ATRX: variants seen among roughly 807,000 people sequenced by gnomAD.
ATRX encodes the protein chromatin remodeler ATRX.
ATRX carries 12 observed loss-of-function variants against 172.6 expected under a neutral mutation model. The observed-to-expected ratio is 0.07, with a 90% CI of 0.04 to 0.11. ATRX has a LOEUF of 0.11. ATRX is among the 10% of genes least tolerant of loss of function. ATRX has a pLI of 1.00. For missense variants in ATRX, 1,368 were observed against 1,767.4 expected (o/e 0.77, Z 4.05); for synonymous variants, 674 against 594.7 (o/e 1.13, Z -1.94).
chrX:77,649,637 C>T (rs1227151292), intron 15 of ATRX, among the ~76,000 whole-genome samples: 3 of 111,364 alleles, frequency 2.7e-5, no homozygotes, highest in African/African-American at 9.8e-5. Context: ...AATTGAATCA[C>T]GGGGGCAGGT....
chrX:77,781,876 A>G (rs1557205772), intron 1 of ATRX, among the ~76,000 whole-genome samples: 1 of 112,098 alleles, frequency 8.9e-6, no homozygotes, highest in Non-Finnish European at 1.9e-5. Context: ...CCCAACCCAT[A>G]AGTTTATTCA....
At chrX:77,638,622 T>G (rs782289647) in intron 15 of ATRX, among the ~76,000 whole-genome samples, 4 of 113,005 alleles carry the variant, frequency 3.5e-5, no homozygotes, top group Non-Finnish European at 7.5e-5. Flanking sequence ...TAAATGTCTC[T>G]TTAAAAGGAC....
At chrX:77,634,016 C>T (rs1557106913) in intron 17 of ATRX, among the ~76,000 whole-genome samples, 1 of 110,081 alleles carries the variant, frequency 9.1e-6, no homozygotes, top group African/African-American at 3.3e-5. Context: ...AAAATACCAT[C>T]GCTCATTTAG....
chrX:77,778,550 A>G (rs1392370084), intron 1 of ATRX, among the ~76,000 whole-genome samples: 6 of 109,784 alleles, frequency 5.5e-5, no homozygotes, highest in Admixed American at 9.7e-5. Context: ...GTGAAATCCC[A>G]TCTCTACTAA....
intron 27 of ATRX, among the ~76,000 whole-genome samples, chrX:77,588,355 G>A (rs1481995749): frequency 1.4e-4 from 16 of 111,951 alleles, no homozygotes; most frequent in Admixed American, 1.3e-3. Flanking sequence ...AAAGCTTCAC[G>A]ACTTTTTATT....
Position 77,553,071 on chromosome X carries a change from G to A in ATRX, c.6699+4380C>T, listed in dbSNP as rs2064624022. On this transcript the variant is annotated intron_variant, in intron 30 of 34. Coordinates refer to ENST00000373344, the MANE Select transcript of ATRX (RefSeq NM_000489.6). ...ACAGGAACCAACTTCAAAATACCTT[G>A]AATAAAAGCAGCTTCAAATACCAAA... is the stretch of plus-strand genomic sequence containing the variant. Among the ~76,000 whole-genome samples the A allele has an allele frequency of 2.7e-5, 3 of 111,359 alleles. No homozygotes were observed. In the South Asian group the frequency reaches 1.1e-3, roughly 42 times the overall value.
At chrX:77,588,625 A>G (rs2066122352) in intron 27 of ATRX, among the ~76,000 whole-genome samples, 1 of 111,100 alleles carries the variant, frequency 9.0e-6, no homozygotes, top group African/African-American at 3.3e-5. Flanking sequence ...AAATAAATAA[A>G]TAAAAGAAAG....
At chrX:77,653,726 T>C (rs893421041) in intron 14 of ATRX, among the ~76,000 whole-genome samples, 4 of 111,908 alleles carry the variant, frequency 3.6e-5, no homozygotes, top group African/African-American at 1.3e-4. Context: ...TTTTACTTTA[T>C]GTAAGCCTGC....
At chrX:77,700,571 C>A (rs2072450703) in intron 2 of ATRX, among the ~76,000 whole-genome samples, 1 of 112,456 alleles carries the variant, frequency 8.9e-6, no homozygotes, top group Admixed American at 9.4e-5. Flanking sequence ...TAAACATCTT[C>A]ATTTACTTAT....
At chrX:77,708,292 G>T (rs1439661976) in intron 2 of ATRX, among the ~76,000 whole-genome samples, 1 of 112,433 alleles carries the variant, frequency 8.9e-6, no homozygotes, top group Non-Finnish European at 1.9e-5. Flanking sequence ...CAGATATCTT[G>T]AATACATTAC....
intron 15 of ATRX, among the ~76,000 whole-genome samples, chrX:77,641,305 T>C (rs1256721324): frequency 9.1e-6 from 1 of 110,480 alleles, no homozygotes; most frequent in Non-Finnish European, 1.9e-5. Flanking sequence ...AGGCCGGGTG[T>C]GGTGGCTCAC....
chrX:77,622,198 G>A (rs1049001992), intron 19 of ATRX, among the ~76,000 whole-genome samples: 3 of 111,950 alleles, frequency 2.7e-5, no homozygotes, highest in African/African-American at 9.7e-5. Context: ...GGCACCCAAA[G>A]ATACATAAAA....
chrX:77,674,471 A>G (rs1414909187), intron 10 of ATRX: 2 of 111,433 alleles, frequency 1.8e-5, no homozygotes, highest in East Asian at 5.6e-4. Context: ...TTTAATCACA[A>G]ATTCAAGGTG....
chrX:77,612,692 T>C (rs1219959427), intron 22 of ATRX, among the ~76,000 whole-genome samples: 1 of 111,907 alleles, frequency 8.9e-6, no homozygotes, highest in Non-Finnish European at 1.9e-5. Context: ...TCACTCTCTA[T>C]TTCTAGAACT....
intron 19 of ATRX, 127 bp downstream of exon 19, chrX:77,633,080 C>CA: frequency 1.4e-6 from 1 of 719,571 alleles, no homozygotes; most frequent in Non-Finnish European, 2.1e-6. Context: ...TTCTAAAAGG[C>CA]AAAAACCTGA....
intron 22 of ATRX, among the ~76,000 whole-genome samples, chrX:77,604,414 C>T (rs982421404): frequency 8.9e-6 from 1 of 112,128 alleles, no homozygotes; most frequent in Middle Eastern, 4.6e-3. Flanking sequence ...CATCACTAAA[C>T]GTCAGAAAAA....
At chrX:77,703,208 C>T (rs1017788067) in intron 2 of ATRX, among the ~76,000 whole-genome samples, 1 of 112,996 alleles carries the variant, frequency 8.8e-6, no homozygotes, top group Non-Finnish European at 1.9e-5. Flanking sequence ...GCTGGTGGCA[C>T]CTGTGCCAGA....
intron 1 of ATRX, among the ~76,000 whole-genome samples, chrX:77,759,329 G>C (rs2075630137): frequency 9.1e-6 from 1 of 110,245 alleles, no homozygotes; most frequent in African/African-American, 3.3e-5. Context: ...GAATGCTCAT[G>C]AGAACAGTCT....
intron 7 of ATRX, 89 bp downstream of exon 7, chrX:77,688,729 T>C: frequency 1.3e-6 from 1 of 752,675 alleles, no homozygotes; most frequent in Non-Finnish European, 2.1e-6. Flanking sequence ...ACCATTTTCA[T>C]CTTTCTTCAA....
Sources: allele counts gnomAD v4.1 joint callset (sites outside exome capture counted in the v4.1 genomes callset), GRCh38; gene constraint gnomAD v4.1.1; transcripts MANE v1.5; gene names NCBI Gene and HGNC (gene_info 2026-07-23, HGNC 2026-07-21).